The following LIN7A variants were observed in gnomAD, a reference collection of about 807,000 sequenced individuals.
LIN7A encodes the protein protein lin-7 homolog A.
In LIN7A, 25 loss-of-function variants were observed where a neutral mutation model predicts 29.8. That is an observed-to-expected ratio of 0.84 (90% CI 0.61 to 1.17). The LOEUF (loss-of-function observed/expected upper bound fraction) is 1.17, where lower values mean the gene tolerates loss of function less well. Ranked by LOEUF, LIN7A falls within the 50% of genes most tolerant of loss-of-function variation. The pLI, the probability that LIN7A is intolerant of heterozygous loss-of-function variation, is 0.00. For synonymous variants in LIN7A, 118 were observed against 107.5 expected (o/e 1.10, Z -0.60); for missense variants, 239 against 287.0 (o/e 0.83, Z 1.21).
At chr12:80,913,326 C>A (rs78940005) in intron 1 of LIN7A, among the ~76,000 whole-genome samples, 40 of 152,228 alleles carry the variant, frequency 2.6e-4, no homozygotes, top group Non-Finnish European at 7.3e-5. Flanking sequence ...CTGGTGATGA[C>A]GCTTTTCAGC....
chr12:80,913,154 T>G (rs1011556611), intron 1 of LIN7A, among the ~76,000 whole-genome samples: 3 of 152,238 alleles, frequency 2.0e-5, no homozygotes, highest in Non-Finnish European at 4.4e-5. Flanking sequence ...CCAGACTCCA[T>G]ATTCTGACCT....
intron 5 of LIN7A, among the ~76,000 whole-genome samples, chr12:80,809,369 A>G (rs550383382): frequency 6.6e-6 from 1 of 152,234 alleles, no homozygotes; most frequent in South Asian, 2.1e-4. Flanking sequence ...ATGACCTAAA[A>G]CCACTATTAC....
intron 2 of LIN7A, among the ~76,000 whole-genome samples, chr12:80,888,853 A>G (rs954703054): frequency 6.6e-6 from 1 of 152,138 alleles, no homozygotes; most frequent in African/African-American, 2.4e-5. Flanking sequence ...ATGTTTAGTC[A>G]GTAGGAGGTT....
In LIN7A at chr12:80,811,615, C is replaced by A. The variant is rs779754782; in HGVS notation, c.552G>T (p.Leu184=). 4.3e-6 allele frequency: 7 copies of A among 1,614,082 alleles called. No homozygotes were observed. The highest frequency in any genetic ancestry group is 1.7e-5 in the Admixed American group (1 of 60,014). Residue 184 remains leucine (L), a synonymous_variant, in exon 5 of 6, where the codon CTG becomes CTT. Coordinates refer to ENST00000552864, the MANE Select transcript of LIN7A (RefSeq NM_004664.4). ...GAACTTTTGGGGTGTATCGCACCAC[C>A]AGCTTGACGCTGTCTTTAGCAGCCT... is the stretch of plus-strand genomic sequence containing the variant. ...LLKAAKDSVK[L]VVRYTPKVLE...
intron 1 of LIN7A, among the ~76,000 whole-genome samples, chr12:80,921,770 A>G (rs1226668489): frequency 1.3e-5 from 2 of 152,290 alleles, no homozygotes; most frequent in Middle Eastern, 3.4e-3. Context: ...ACATTTTCCT[A>G]TTGGTGGTTA....
At chr12:80,936,753 G>A (rs1404354030) in intron 1 of LIN7A, 4 of 152,550 alleles carry the variant, frequency 2.6e-5, no homozygotes, top group African/African-American at 7.2e-5. Context: ...GCGTCCTGGG[G>A]AGGAAGCGAA....
chr12:80,883,655 A>T (rs1299371599), intron 2 of LIN7A, among the ~76,000 whole-genome samples: 1 of 152,212 alleles, frequency 6.6e-6, no homozygotes, highest in East Asian at 1.9e-4. Context: ...GCTACCACAC[A>T]CTGTACTAGG....
At chr12:80,875,014 G>A (rs1216269644) in intron 2 of LIN7A, among the ~76,000 whole-genome samples, 2 of 152,032 alleles carry the variant, frequency 1.3e-5, no homozygotes, top group Non-Finnish European at 1.5e-5. Flanking sequence ...ACAAACAAAC[G>A]AAACAAAAAC....
intron 2 of LIN7A, among the ~76,000 whole-genome samples, chr12:80,863,187 C>T (rs1273761156): frequency 6.6e-6 from 1 of 152,188 alleles, no homozygotes; most frequent in Non-Finnish European, 1.5e-5. Flanking sequence ...ATTAAGGATG[C>T]TGACTTAAGG....
At chr12:80,899,714 A>C (rs1399756107) in intron 1 of LIN7A, among the ~76,000 whole-genome samples, 1 of 142,954 alleles carries the variant, frequency 7.0e-6, no homozygotes, top group Non-Finnish European at 1.5e-5. Context: ...CAATCTTGGG[A>C]GGTTGTATAT....
intron 4 of LIN7A, among the ~76,000 whole-genome samples, chr12:80,832,336 G>T (rs927990833): frequency 6.6e-6 from 1 of 152,106 alleles, no homozygotes; most frequent in Non-Finnish European, 1.5e-5. Context: ...CTTATTAGCA[G>T]TCTGACTGAA....
intron 4 of LIN7A, among the ~76,000 whole-genome samples, chr12:80,822,058 A>G (rs932863727): frequency 2.6e-5 from 4 of 152,216 alleles, no homozygotes; most frequent in African/African-American, 9.6e-5. Context: ...CTGCTAATAA[A>G]GAGACACTTG....
intron 4 of LIN7A, among the ~76,000 whole-genome samples, chr12:80,819,811 T>C (rs1778484740): frequency 6.6e-6 from 1 of 152,220 alleles, no homozygotes; most frequent in African/African-American, 2.4e-5. Flanking sequence ...TTACAAAGCG[T>C]CCAACAAACA....
chr12:80,868,507 G>A (rs1008165989), intron 2 of LIN7A, among the ~76,000 whole-genome samples: 1 of 152,206 alleles, frequency 6.6e-6, no homozygotes, highest in Non-Finnish European at 1.5e-5. Context: ...GGTGGAGGTT[G>A]CAGTGGGCCG....
chr12:80,797,862 T>C (rs1474438525), intron 5 of LIN7A, 136 bp from the exon 6 acceptor site: 1 of 152,424 alleles, frequency 6.6e-6, no homozygotes, highest in East Asian at 1.9e-4. Flanking sequence ...TCATGCACCA[T>C]CTTCTACATA....
intron 4 of LIN7A, among the ~76,000 whole-genome samples, chr12:80,822,119 A>G (rs1871836733): frequency 6.6e-6 from 1 of 152,194 alleles, no homozygotes; most frequent in African/African-American, 2.4e-5. Flanking sequence ...ACAGTTCCAC[A>G]TAGCTGGGGA....
At chr12:80,906,663 T>C (rs957773636) in intron 1 of LIN7A, among the ~76,000 whole-genome samples, 3 of 152,016 alleles carry the variant, frequency 2.0e-5, no homozygotes, top group African/African-American at 4.8e-5. Flanking sequence ...CACCATGGCC[T>C]TCCTGAGGGT....
chr12:80,828,506 A>G (rs1005713853), intron 4 of LIN7A, among the ~76,000 whole-genome samples: 3 of 152,178 alleles, frequency 2.0e-5, no homozygotes, highest in East Asian at 3.8e-4. Flanking sequence ...AGAAAATTAC[A>G]TATAATAATA....
intron 4 of LIN7A, among the ~76,000 whole-genome samples, chr12:80,843,889 AGT>A (rs1394551958): frequency 2.0e-5 from 3 of 152,082 alleles, no homozygotes; most frequent in African/African-American, 7.2e-5. Context: ...AAATGCGTAC[AGT>A]GTGTTCCCTG....
Sources: gnomAD v4.1 joint callset for allele counts (sites outside exome capture counted in the v4.1 genomes callset) on GRCh38, gnomAD v4.1.1 for gene constraint, MANE v1.5 for transcripts, NCBI Gene and HGNC (gene_info 2026-07-23, HGNC 2026-07-21) for gene names.